The following SNTB2 variants were observed in gnomAD, a reference collection of about 807,000 sequenced individuals.
The protein encoded by SNTB2 is syntrophin beta 2.
A neutral mutation model predicts 46.2 loss-of-function variants in SNTB2; 34 were observed. The ratio of observed to expected loss-of-function variants is 0.74; its 90% CI spans 0.56 to 0.98. SNTB2 has a LOEUF of 0.98. Ranked by LOEUF, SNTB2 falls within the 50% of genes least tolerant of loss-of-function variation. SNTB2 has a pLI of 0.00. For synonymous variants in SNTB2, 290 were observed against 312.6 expected (o/e 0.93, Z 0.76); for missense variants, 603 against 731.4 (o/e 0.82, Z 2.02).
At chr16:69,188,788 T>G (rs149102269) in intron 1 of SNTB2, among the ~76,000 whole-genome samples, 7 of 152,128 alleles carry the variant, frequency 4.6e-5, no homozygotes, top group African/African-American at 1.7e-4. Context: ...AAACAACTTA[T>G]AGGGAGGAAA....
intron 5 of SNTB2, among the ~76,000 whole-genome samples, chr16:69,292,634 G>C (rs1359399561): frequency 7.5e-6 from 1 of 132,628 alleles, no homozygotes; most frequent in African/African-American, 2.9e-5. Context: ...TGCATTTTTA[G>C]TAGAGGCGGG....
At chr16:69,280,250 C>T (rs987956060) in intron 4 of SNTB2, among the ~76,000 whole-genome samples, 2 of 152,220 alleles carry the variant, frequency 1.3e-5, no homozygotes, top group African/African-American at 4.8e-5. Context: ...AAAAGTCTCC[C>T]CTGTCTACCT....
chr16:69,270,432 A>G (rs1388461762), intron 4 of SNTB2, 147 bp downstream of exon 4: 5 of 880,344 alleles, frequency 5.7e-6, no homozygotes, highest in Non-Finnish European at 8.5e-6. Flanking sequence ...TTTTTGTTTT[A>G]CAACCTTATT....
intron 5 of SNTB2, among the ~76,000 whole-genome samples, chr16:69,292,390 T>TATA (rs1491243599): frequency 1.6e-4 from 2 of 12,764 alleles, no homozygotes; most frequent in African/African-American, 1.1e-3. Flanking sequence ...TATATATATA[T>TATA]TATATATATA....
intron 3 of SNTB2, among the ~76,000 whole-genome samples, chr16:69,265,821 C>T (rs1420955152): frequency 2.1e-5 from 3 of 144,714 alleles, no homozygotes; most frequent in African/African-American, 5.2e-5. Context: ...GGTGAGTCTC[C>T]GTGCCAAAGA....
At chr16:69,205,699 C>G (rs1314750408) in intron 1 of SNTB2, among the ~76,000 whole-genome samples, 2 of 151,960 alleles carry the variant, frequency 1.3e-5, no homozygotes, top group Admixed American at 1.3e-4. Flanking sequence ...TAGGCATTTC[C>G]AACCTGCTTC....
intron 1 of SNTB2, among the ~76,000 whole-genome samples, chr16:69,196,574 C>T (rs1025528214): frequency 1.3e-5 from 2 of 151,960 alleles, no homozygotes; most frequent in African/African-American, 4.8e-5. Context: ...GGAGTTTCAC[C>T]ATATTGGTCA....
At chr16:69,267,059 C>T (rs35830148) in intron 3 of SNTB2, among the ~76,000 whole-genome samples, 42,220 of 144,428 alleles carry the variant, frequency 0.29, 7,309 homozygotes, top group East Asian at 0.5. Flanking sequence ...GACAGAGTCT[C>T]GCTCTGTTTC....
intron 1 of SNTB2, among the ~76,000 whole-genome samples, chr16:69,200,187 A>G (rs1964148386): frequency 1.3e-5 from 2 of 152,174 alleles, no homozygotes; most frequent in South Asian, 2.1e-4. Context: ...GGAGGGGGAC[A>G]TTTTTAACAT....
intron 4 of SNTB2, among the ~76,000 whole-genome samples, chr16:69,275,900 T>C (rs1597196394): frequency 1.3e-5 from 2 of 152,160 alleles, no homozygotes; most frequent in East Asian, 3.8e-4. Context: ...AATAACATGC[T>C]TAGAGTAATG....
In SNTB2 at chr16:69,296,753, G is replaced by T. The variant is rs568622609; in HGVS notation, c.1346-2837G>T. The stretch of plus-strand genomic sequence containing the variant: ...AAAAAAGAAAAAAGAAATCTCAGGG[G>T]CCAAGCACTTTGGGAGCCCAAGGTG... On this transcript the variant is annotated intron_variant, in intron 5 of 6. Transcript: ENST00000336278. Among the ~76,000 whole-genome samples the T allele has an allele frequency of 3.0e-4, 45 of 150,444 alleles. No homozygotes were observed. In the South Asian group the frequency reaches 9.3e-3, roughly 31 times the overall value.
chr16:69,256,455 A>G (rs1417994421), intron 2 of SNTB2, among the ~76,000 whole-genome samples: 1 of 152,104 alleles, frequency 6.6e-6, no homozygotes, highest in Non-Finnish European at 1.5e-5. Context: ...TGCAAAACTA[A>G]AATACTCTAC....
chr16:69,264,457 GGTTGCATTTATTT>G (rs1964866593), intron 3 of SNTB2, among the ~76,000 whole-genome samples: 1 of 152,152 alleles, frequency 6.6e-6, no homozygotes, highest in Non-Finnish European at 1.5e-5. Context: ...AGAGTAAAGA[GGTTGCATTTATTT>G]TATTTTTGGA....
chr16:69,245,698 G>C lies in SNTB2; in HGVS notation c.677G>C (p.Ser226Thr). Residue 226 changes from serine to threonine, a missense_variant, in exon 2 of 7, where the codon AGT (serine) becomes ACT (threonine). Ser to Thr is a moderately conservative substitution (Grantham distance 58, BLOSUM62 1). Coordinates refer to ENST00000336278, the MANE Select transcript of SNTB2 (RefSeq NM_006750.4). ...GCAGCCCCCCAGTCACCAAGCTTTA[G>C]TGGCAGTGAGGACTCTGGTTCGCCA... ...EGAAPQSPSF[S>T]GSEDSGSPKH... 1 of 1,614,116 alleles carries C rather than the reference G, an allele frequency of 6.2e-7. No individual in the cohort carries two copies. The highest frequency in any genetic ancestry group is 2.2e-5 in the East Asian group (1 of 44,870).
At chr16:69,280,407 A>G (rs1450673836) in intron 4 of SNTB2, among the ~76,000 whole-genome samples, 17 of 151,704 alleles carry the variant, frequency 1.1e-4, no homozygotes, top group African/African-American at 3.9e-4. Flanking sequence ...GTTGCTGGGC[A>G]GAGGGGCTCC....
chr16:69,227,568 T>A (rs1046432777), intron 1 of SNTB2, among the ~76,000 whole-genome samples: 1 of 152,216 alleles, frequency 6.6e-6, no homozygotes, highest in African/African-American at 2.4e-5. Context: ...GAAGGGTGAC[T>A]AGGAAAAAAG....
chr16:69,232,502 CTTTTTTTTTTTTTT>C (rs1032986410), intron 1 of SNTB2, among the ~76,000 whole-genome samples: 3 of 63,884 alleles, frequency 4.7e-5, no homozygotes, highest in Middle Eastern at 0.014. Flanking sequence ...ACGGTGCGGC[CTTTTTTTTTTTTTT>C]TTTTTTTTTT....
In SNTB2 at chr16:69,289,968, A is replaced by G. The variant is rs568146079; in HGVS notation, c.1345+5724A>G. Among the ~76,000 whole-genome samples, 11 of 152,286 alleles carry G rather than the reference A, an allele frequency of 7.2e-5. No individual in the cohort carries two copies. In the East Asian group the frequency reaches 2.1e-3, roughly 29 times the overall value. On this transcript the variant is annotated intron_variant, in intron 5 of 6. Transcript: ENST00000336278. ...GGGAGATTCAGAACTGTCTGTTAAA[A>G]CTATAGTTGGCAAAAAGAAATCAGT...
chr16:69,255,526 C>T (rs1964764830), intron 2 of SNTB2, among the ~76,000 whole-genome samples: 1 of 151,074 alleles, frequency 6.6e-6, no homozygotes, highest in African/African-American at 2.4e-5. Context: ...CGACACTGCA[C>T]TCCAGCCTGG....
Sources: gnomAD v4.1 joint callset for allele counts (sites outside exome capture counted in the v4.1 genomes callset) on GRCh38, gnomAD v4.1.1 for gene constraint, MANE v1.5 for transcripts, NCBI Gene and HGNC (gene_info 2026-07-23, HGNC 2026-07-21) for gene names.